The following BRAF variants were observed in gnomAD, a reference collection of about 807,000 sequenced individuals.
BRAF encodes the protein serine/threonine-protein kinase B-raf.
A neutral mutation model predicts 104.6 loss-of-function variants in BRAF; 16 were observed. The observed-to-expected ratio is 0.15, with a 90% CI of 0.10 to 0.23. BRAF has a LOEUF of 0.23. Ranked by LOEUF, BRAF falls within the 10% of genes least tolerant of loss-of-function variation. The pLI, the probability that BRAF is intolerant of heterozygous loss-of-function variation, is 1.00. For missense variants in BRAF, 541 were observed against 937.3 expected, an observed-to-expected ratio of 0.58 and a Z score of 5.52; for synonymous variants, 310 against 341.6, an observed-to-expected ratio of 0.91 and a Z score of 1.02.
At position 140,850,010 on chromosome 7, in the gene BRAF, A is replaced by T. The variant is rs1586398912; in HGVS notation, c.240+101T>A. On this transcript the variant is annotated intron_variant, in intron 2 of 19. Transcript: ENST00000644969. The stretch of plus-strand genomic sequence containing the variant: ...ATTCTCTCTTCCCAAATCTATTCCT[A>T]ATCCCACCTCCTAAAATAATCAAGA... 5 of 868,700 alleles carry T rather than the reference A, an allele frequency of 5.8e-6. No homozygotes were observed. The East Asian group carries it at 1.2e-4, about 21-fold the overall frequency. The allele number at this position is 868,700 out of a possible 1,614,324, so 53.8% of individuals were successfully genotyped here.
At chr7:140,759,168 C>T (rs561826583) in intron 14 of BRAF, among the ~76,000 whole-genome samples, 1 of 152,288 alleles carries the variant, frequency 6.6e-6, no homozygotes, top group East Asian at 1.9e-4. Flanking sequence ...GAAGAAGATG[C>T]TGTATTCATA....
At position 140,806,802 on chromosome 7, in the gene BRAF, C is replaced by A. The variant is rs1300861056; in HGVS notation, c.711+1158G>T. The stretch of plus-strand genomic sequence containing the variant: ...ATCTTACACTTCTCCCAAAAAATGC[C>A]TTACAGAAACACAAACATGATTTCA... On this transcript the variant is annotated intron_variant, in intron 5 of 19. Transcript: ENST00000644969. 3.3e-5 allele frequency among the ~76,000 whole-genome samples: 5 copies of A among 152,168 alleles called. No homozygotes were observed. The East Asian group carries it at 7.7e-4, about 23-fold the overall frequency.
At chr7:140,903,799 C>T (rs1815963562) in intron 1 of BRAF, among the ~76,000 whole-genome samples, 1 of 152,158 alleles carries the variant, frequency 6.6e-6, no homozygotes, top group African/African-American at 2.4e-5. Flanking sequence ...GATTCTAACC[C>T]TCATGGATGA....
Position 140,851,679 on chromosome 7 carries a change from C to G in BRAF, c.139-1467G>C, listed in dbSNP as rs564893074. On this transcript the variant is annotated intron_variant, in intron 1 of 19. Transcript: ENST00000644969. ...TGGTCTTCCAAAAGAAGAAATGTAT[C>G]AAGTCAAGTCCCTATCTGCAGGGTA... Among the ~76,000 whole-genome samples the G allele has an allele frequency of 3.9e-5, 6 of 152,240 alleles. No homozygotes were observed. The South Asian group carries it at 1.0e-3, about 26-fold the overall frequency.
At chr7:140,812,682 T>C (rs1804411848) in intron 3 of BRAF, among the ~76,000 whole-genome samples, 1 of 152,132 alleles carries the variant, frequency 6.6e-6, no homozygotes, top group African/African-American at 2.4e-5. Context: ...ATAGTACCTG[T>C]ACAACAGATG....
chr7:140,849,883 T>C (rs1035318147), intron 2 of BRAF, among the ~76,000 whole-genome samples: 1 of 152,080 alleles, frequency 6.6e-6, no homozygotes, highest in African/African-American at 2.4e-5. Context: ...GAAATTTATA[T>C]CACTTCCCCC....
At position 140,870,872 on chromosome 7, in the gene BRAF, A is replaced by T. The variant is rs892100888; in HGVS notation, c.139-20660T>A. 1.8e-3 allele frequency among the ~76,000 whole-genome samples: 211 copies of T among 114,394 alleles called. 1 individual carries two copies. The highest frequency in any genetic ancestry group is 7.7e-3 in the African/African-American group (192 of 24,948). 75.0% of individuals were successfully genotyped at this position (114,394 alleles called of 152,430 possible). The stretch of plus-strand genomic sequence containing the variant: ...TCAAAATCACTGCCTTTTCTTACTT[A>T]AAAAAAAAAAAAAAAAAGACTTTTA... On this transcript the variant is annotated intron_variant, in intron 1 of 19. Transcript: ENST00000644969.
chr7:140,724,343 A>G lies in BRAF; in HGVS notation c.*2151T>C. The G allele has an allele frequency of 9.5e-7, 1 of 1,054,998 alleles. No homozygotes were observed. The highest frequency in any genetic ancestry group is 1.1e-6 in the Non-Finnish European group (1 of 872,786). 65.4% of individuals were successfully genotyped at this position (1,054,998 alleles called of 1,614,324 possible). A position where few individuals can be genotyped will look rare whatever the true frequency, so the allele number is the denominator to read the frequency against. ...TGAAGCCAATCTTGGTAAAGGGAACACAGCCACATTTAAAAGCATCTAGAG... is the reference window on the plus strand; with the variant it reads ...TGAAGCCAATCTTGGTAAAGGGAACGCAGCCACATTTAAAAGCATCTAGAG... On this transcript the variant is annotated 3_prime_UTR_variant, in exon 20 of 20. Coordinates refer to ENST00000644969, the MANE Select transcript of BRAF (RefSeq NM_001374258.1).
chr7:140,872,351 T>C (rs1173759600), intron 1 of BRAF, among the ~76,000 whole-genome samples: 4 of 150,574 alleles, frequency 2.7e-5, no homozygotes, highest in Admixed American at 2.6e-4. Context: ...TAACAAAAAG[T>C]TAAAAAAAAA....
At chr7:140,753,039 G>A (rs895239523) in intron 16 of BRAF, among the ~76,000 whole-genome samples, 1 of 151,826 alleles carries the variant, frequency 6.6e-6, no homozygotes, top group Non-Finnish European at 1.5e-5. Context: ...ATGAAACACT[G>A]TTTATAAGAC....
chr7:140,716,993 G>A (rs1032645205), downstream of BRAF, among the ~76,000 whole-genome samples: 2 of 152,170 alleles, frequency 1.3e-5, no homozygotes, highest in African/African-American at 2.4e-5. Flanking sequence ...GCCTCAGCAG[G>A]TGCCTTTTGT....
At chr7:140,733,955 T>G in intron 19 of BRAF, 3 of 989,848 alleles carry the variant, frequency 3.0e-6, no homozygotes, top group Non-Finnish European at 3.6e-6. Flanking sequence ...TTAAGACATT[T>G]TACTCATGTC....
At chr7:140,921,298 T>C (rs149519304) in intron 1 of BRAF, among the ~76,000 whole-genome samples, 9 of 152,314 alleles carry the variant, frequency 5.9e-5, no homozygotes, top group African/African-American at 2.2e-4. Context: ...GGTCAGATGT[T>C]AATGTTTAAT....
chr7:140,751,726 A>G (rs79994217), intron 16 of BRAF, among the ~76,000 whole-genome samples: 1,843 of 152,276 alleles, frequency 0.012, 35 homozygotes, highest in African/African-American at 0.041. Context: ...ACTTACTGTC[A>G]TAAGAAATCA....
chr7:140,780,831 C>T (rs1800799782), intron 12 of BRAF: 1 of 152,132 alleles, frequency 6.6e-6, no homozygotes, highest in South Asian at 2.1e-4. Flanking sequence ...AAGATTTTGT[C>T]CAACTAAGAG....
intron 1 of BRAF, among the ~76,000 whole-genome samples, chr7:140,890,805 C>T (rs1317376178): frequency 6.6e-6 from 1 of 152,058 alleles, no homozygotes; most frequent in Non-Finnish European, 1.5e-5. Context: ...CAGCTGTCAC[C>T]CATATCTGAG....
chr7:140,803,011 T>C (rs1160580039), intron 5 of BRAF, among the ~76,000 whole-genome samples: 1 of 152,234 alleles, frequency 6.6e-6, no homozygotes, highest in Non-Finnish European at 1.5e-5. Context: ...ATTTTTACTG[T>C]ACCTTTTCTA....
chr7:140,734,571 C>A (rs202148822), intron 19 of BRAF: 1 of 1,613,530 alleles, frequency 6.2e-7, no homozygotes, highest in Admixed American at 1.7e-5. Context: ...TGTTGCTACT[C>A]TCCTGAACTC....
chr7:140,866,667 C>G (rs1284747480), intron 1 of BRAF, among the ~76,000 whole-genome samples: 1 of 152,010 alleles, frequency 6.6e-6, no homozygotes, highest in Non-Finnish European at 1.5e-5. Flanking sequence ...CCACCTTAGT[C>G]AAGATGTTAT....
Sources: gnomAD v4.1 joint callset for allele counts (sites outside exome capture counted in the v4.1 genomes callset) on GRCh38, gnomAD v4.1.1 for gene constraint, MANE v1.5 for transcripts, NCBI Gene and HGNC (gene_info 2026-07-23, HGNC 2026-07-21) for gene names.